Variants in DMD observed in about 807,000 individuals in gnomAD.
DMD encodes the protein dystrophin, also known as mutant dystrophin.
In DMD, 63 loss-of-function variants were observed where a neutral mutation model predicts 330.1. The ratio of observed to expected loss-of-function variants is 0.19; its 90% CI spans 0.16 to 0.24. The LOEUF is 0.24. Ranked by LOEUF, DMD falls within the 10% of genes least tolerant of loss-of-function variation. The pLI is 1.00. For missense variants in DMD, 3,344 were observed against 2,684.1 expected (o/e 1.25, Z -5.43); for synonymous variants, 1,223 against 959.8 (o/e 1.27, Z -5.07).
intron 2 of DMD, among the ~76,000 whole-genome samples, chrX:33,008,839 CACATATATGTATACGT>C (rs2093462123): frequency 5.8e-5 from 2 of 34,271 alleles, no homozygotes; most frequent in Non-Finnish European, 1.2e-4. Flanking sequence ...TATATATATA[CACATATATGTATACGT>C]GTATATATAC....
intron 67 of DMD, among the ~76,000 whole-genome samples, chrX:31,203,455 G>C (rs1185420003): frequency 9.1e-6 from 1 of 110,299 alleles, no homozygotes; most frequent in Non-Finnish European, 1.9e-5. Flanking sequence ...AGTGTGTTCA[G>C]TCAGTGATGG....
chrX:33,070,378 C>T (rs1489920280), intron 1 of DMD, among the ~76,000 whole-genome samples: 1 of 110,066 alleles, frequency 9.1e-6, no homozygotes, highest in East Asian at 2.9e-4. Flanking sequence ...CTATGACTGA[C>T]AGCTCTTACT....
chrX:31,860,589 C>T (rs1351426628), intron 48 of DMD, among the ~76,000 whole-genome samples: 2 of 112,009 alleles, frequency 1.8e-5, no homozygotes, highest in Non-Finnish European at 3.8e-5. Context: ...AAATGGCAAA[C>T]CATTGTGGTT....
chrX:31,756,036 G>A (rs1424023009), intron 51 of DMD, among the ~76,000 whole-genome samples: 4 of 109,884 alleles, frequency 3.6e-5, no homozygotes, highest in African/African-American at 9.8e-5. Context: ...CAGAGAGAGA[G>A]CGAGAGATTG....
In DMD at chrX:32,350,806, C is replaced by T. The variant is rs1306837243; in HGVS notation, c.5326-2278G>A. On this transcript the variant is annotated intron_variant, in intron 37 of 78. Transcript: ENST00000357033. ...TAGTCAAGGCTTCTCCTAATCTTGC[C>T]CCAAAGACTTGCCAGCCTTATGTAA... Among the ~76,000 whole-genome samples the T allele has an allele frequency of 3.6e-5, 4 of 111,224 alleles. No individual in the cohort carries two copies. The East Asian group carries it at 1.1e-3, about 31-fold the overall frequency.
intron 38 of DMD, among the ~76,000 whole-genome samples, chrX:32,347,921 G>A (rs747142973): frequency 2.7e-5 from 3 of 111,266 alleles, no homozygotes; most frequent in Non-Finnish European, 5.7e-5. Context: ...ACACATTTTA[G>A]ACATATAATG....
At chrX:32,649,299 A>T (rs1298166354) in intron 9 of DMD, among the ~76,000 whole-genome samples, 1 of 109,783 alleles carries the variant, frequency 9.1e-6, no homozygotes, top group Non-Finnish European at 1.9e-5. Flanking sequence ...TCAGACCTGT[A>T]ATCCCAGCAC....
intron 7 of DMD, among the ~76,000 whole-genome samples, chrX:32,775,664 G>A (rs1439321502): frequency 8.8e-6 from 1 of 113,169 alleles, no homozygotes; most frequent in Non-Finnish European, 1.9e-5. Flanking sequence ...GCACAGAGCA[G>A]TGGGGCCTTG....
At chrX:31,674,229 A>T (rs2081962059) in intron 53 of DMD, among the ~76,000 whole-genome samples, 1 of 112,419 alleles carries the variant, frequency 8.9e-6, no homozygotes, top group Admixed American at 9.4e-5. Flanking sequence ...TCCACAGATA[A>T]CTAAAAATGT....
intron 42 of DMD, among the ~76,000 whole-genome samples, chrX:32,300,599 G>C (rs1267191545): frequency 2.7e-5 from 3 of 111,824 alleles, no homozygotes; most frequent in South Asian, 3.6e-4. Flanking sequence ...CGTACATTTT[G>C]TGTTAAGTTG....
chrX:32,669,102 A>G (rs2061484226), intron 9 of DMD, among the ~76,000 whole-genome samples: 1 of 111,336 alleles, frequency 9.0e-6, no homozygotes, highest in African/African-American at 3.3e-5. Flanking sequence ...AATCTGAAAT[A>G]TTAACATCAT....
intron 44 of DMD, among the ~76,000 whole-genome samples, chrX:32,068,373 C>CTTTTTTTTTTTTTTTT (rs1569539146): frequency 1.7e-5 from 1 of 60,510 alleles, no homozygotes; most frequent in African/African-American, 7.6e-5. Context: ...CCTTGCTTGT[C>CTTTTTTTTTTTTTTTT]ATTTTTTTTT....
intron 60 of DMD, among the ~76,000 whole-genome samples, chrX:31,351,874 A>G (rs2058445696): frequency 9.1e-6 from 1 of 109,790 alleles, no homozygotes; most frequent in Admixed American, 9.8e-5. Flanking sequence ...GTAACTCTGC[A>G]ATAGGAGTTA....
chrX:31,514,139 CTA>C (rs1392482073), intron 55 of DMD, among the ~76,000 whole-genome samples: 1 of 111,748 alleles, frequency 8.9e-6, no homozygotes, highest in Non-Finnish European at 1.9e-5. Flanking sequence ...AATATAAAGA[CTA>C]TTAAACAGAT....
At chrX:31,674,362 T>C (rs1324049589) in intron 53 of DMD, among the ~76,000 whole-genome samples, 2 of 112,620 alleles carry the variant, frequency 1.8e-5, no homozygotes, top group East Asian at 5.5e-4. Flanking sequence ...TATGTGATTA[T>C]AGAATGTCTG....
chrX:32,928,472 T>C (rs759402333), intron 2 of DMD, among the ~76,000 whole-genome samples: 48 of 111,582 alleles, frequency 4.3e-4, no homozygotes, highest in Non-Finnish European at 7.7e-4. Flanking sequence ...TGTGGATACG[T>C]AGGTATGTGT....
chrX:31,838,162 T>C (rs2093244701), intron 48 of DMD, among the ~76,000 whole-genome samples: 2 of 111,843 alleles, frequency 1.8e-5, no homozygotes, highest in East Asian at 5.6e-4. Flanking sequence ...CTAGTTTTAC[T>C]TACTGAATTC....
At position 32,816,481 on chromosome X, in the gene DMD, T is replaced by C. The variant is rs1397634648; in HGVS notation, c.517A>G (p.Ile173Val). The part of the protein sequence containing the change: ...WSDGLALNAL[I>V]HSHRPDLFDW... Reference sequence around the variant, plus strand: ...TAATCTTCTTACCTATGACTATGGATGAGAGCATTCAAAGCCAGGCCATCA... The same window carrying C: ...TAATCTTCTTACCTATGACTATGGACGAGAGCATTCAAAGCCAGGCCATCA... The change falls in exon 6 of 79, where the codon ATC (isoleucine) becomes GTC (valine). Residue 173 changes from isoleucine (I) to valine (V), a missense_variant. Ile to Val is a conservative substitution (Grantham distance 29). Transcript: ENST00000357033. 2.5e-6 allele frequency: 3 copies of C among 1,211,013 alleles called. No individual in the cohort carries two copies. Among genetic ancestry groups the C allele is most frequent in the South Asian group, 3.5e-5 (2 of 56,992 alleles).
At chrX:31,469,562 C>T (rs954535206) in intron 59 of DMD, among the ~76,000 whole-genome samples, 19 of 111,954 alleles carry the variant, frequency 1.7e-4, no homozygotes, top group Non-Finnish European at 1.9e-4. Context: ...ATGGGCTTTC[C>T]TTTGGGGTAG....
Sources: allele counts gnomAD v4.1 joint callset (sites outside exome capture counted in the v4.1 genomes callset), GRCh38; gene constraint gnomAD v4.1.1; transcripts MANE v1.5; gene names NCBI Gene and HGNC (gene_info 2026-07-23, HGNC 2026-07-21).